FAR2: variants seen among roughly 807,000 people sequenced by gnomAD.
The protein encoded by FAR2 is fatty acyl-CoA reductase 2.
In FAR2, 19 loss-of-function variants were observed where a neutral mutation model predicts 56.0. The observed-to-expected ratio is 0.34, with a 90% CI of 0.24 to 0.50. The LOEUF is 0.50. FAR2 is among the 20% of genes least tolerant of loss of function. The probability of loss-of-function intolerance (pLI) is 0.98; values close to 1 mark genes in which losing one functional copy is unlikely to be tolerated. For synonymous variants in FAR2, 219 were observed against 218.8 expected (o/e 1.00, Z -0.01); for missense variants, 508 against 642.2 (o/e 0.79, Z 2.26).
At chr12:29,260,205 A>G (rs897283849) in intron 1 of FAR2, among the ~76,000 whole-genome samples, 1 of 152,158 alleles carries the variant, frequency 6.6e-6, no homozygotes, top group Non-Finnish European at 1.5e-5. Flanking sequence ...CAAACACTGC[A>G]ATTATTTTTG....
At chr12:29,323,492 C>G (rs577860190) in intron 10 of FAR2, among the ~76,000 whole-genome samples, 1 of 152,178 alleles carries the variant, frequency 6.6e-6, no homozygotes, top group Non-Finnish European at 1.5e-5. Context: ...CTGGGAGGCA[C>G]CCCCCAGTAG....
At chr12:29,212,628 T>C (rs73077508) in intron 1 of FAR2, among the ~76,000 whole-genome samples, 2,086 of 152,342 alleles carry the variant, frequency 0.014, 45 homozygotes, top group African/African-American at 0.041. Context: ...CACCATCTCC[T>C]GAAATTGCCC....
chr12:29,200,100 G>A (rs1947387416), intron 1 of FAR2, among the ~76,000 whole-genome samples: 1 of 152,194 alleles, frequency 6.6e-6, no homozygotes, highest in Admixed American at 6.5e-5. Context: ...AGGGTTAAGG[G>A]TGGCACTTAA....
At chr12:29,150,408 A>G (rs1949673196) in intron 1 of FAR2, among the ~76,000 whole-genome samples, 1 of 152,208 alleles carries the variant, frequency 6.6e-6, no homozygotes, top group Admixed American at 6.5e-5. Flanking sequence ...GGGTCAGAAA[A>G]GTGACCAGGG....
In FAR2 at chr12:29,274,217, C is replaced by T. The variant is rs189018292; in HGVS notation, c.189+3579C>T. Among the ~76,000 whole-genome samples the T allele has an allele frequency of 8.2e-3, 1,043 of 127,674 alleles. 12 individuals carry two copies. Among genetic ancestry groups the T allele is most frequent in the African/African-American group, 0.028 (955 of 34,410 alleles). 83.8% of individuals were successfully genotyped at this position (127,674 alleles called of 152,430 possible). A position where few individuals can be genotyped will look rare whatever the true frequency, so the allele number is the denominator to read the frequency against. ...CCTCCCCCCACCCCACAACAGGCCC[C>T]GGTATGTGATGTTCCCCTTCCTGTG... On this transcript the variant is annotated intron_variant, in intron 2 of 11. Transcript: ENST00000536681.
At chr12:29,305,518 A>G (rs1008877947) in intron 4 of FAR2, among the ~76,000 whole-genome samples, 4 of 152,178 alleles carry the variant, frequency 2.6e-5, no homozygotes, top group African/African-American at 9.6e-5. Context: ...ACAATGCCTT[A>G]GGTTTATTGG....
chr12:29,310,691 TTAACA>T (rs957308764), intron 6 of FAR2, among the ~76,000 whole-genome samples: 1 of 152,216 alleles, frequency 6.6e-6, no homozygotes, highest in African/African-American at 2.4e-5. Context: ...ACCTTAATTC[TTAACA>T]TGTCTTATGA....
intron 1 of FAR2, among the ~76,000 whole-genome samples, chr12:29,240,948 G>A (rs1180269299): frequency 6.6e-6 from 1 of 152,146 alleles, no homozygotes; most frequent in Non-Finnish European, 1.5e-5. Context: ...TGGAATTACA[G>A]ACATGCACTA....
intron 1 of FAR2, among the ~76,000 whole-genome samples, chr12:29,192,314 A>G (rs150018039): frequency 3.3e-5 from 5 of 152,346 alleles, no homozygotes; most frequent in African/African-American, 1.2e-4. Context: ...GAATATTCTG[A>G]GTAAATGTGA....
rs747719736 is a variant in FAR2, at chr12:29,321,843, G to A, written c.1176G>A (p.Glu392=). Residue 392 remains glutamate, a synonymous_variant, in exon 10 of 12, where the codon GAG becomes GAA. Transcript: ENST00000536681. ...NRLLRTVSML[E]YFINRSWEWS... ...TTTTAAGAACTGTTTCCATGTTGGA[G>A]TATTTCATCAACCGGAGTTGGGAAT... is the stretch of plus-strand genomic sequence containing the variant. 11 of 1,613,908 alleles carry A rather than the reference G, an allele frequency of 6.8e-6. No homozygotes were observed. The highest frequency in any genetic ancestry group is 9.3e-6 in the Non-Finnish European group (11 of 1,179,832).
Position 29,270,640 on chromosome 12 carries a change from T to TA in FAR2, c.189+3dup, listed in dbSNP as rs759410785. ...GTTTTCCAGATCCTAGACAGTAAGGTATGCCTTATAGGAAAGCGTGTGTGA... is the reference window on the plus strand; with the variant it reads ...GTTTTCCAGATCCTAGACAGTAAGGTAATGCCTTATAGGAAAGCGTGTGTGA... On this transcript the variant is annotated splice_region_variant and intron_variant, in intron 2 of 11. Transcript: ENST00000536681. 1.9e-6 allele frequency: 3 copies of TA among 1,606,454 alleles called. No homozygotes were observed. Among genetic ancestry groups the TA allele is most frequent in the East Asian group, 2.2e-5 (1 of 44,704 alleles).
chr12:29,151,544 C>T (rs1158521088), intron 1 of FAR2: 1 of 152,156 alleles, frequency 6.6e-6, no homozygotes, highest in Admixed American at 6.5e-5. Context: ...CTGCTATCAC[C>T]GTCTGCTGGC....
intron 1 of FAR2, among the ~76,000 whole-genome samples, chr12:29,237,295 G>A (rs924527010): frequency 2.0e-4 from 30 of 152,112 alleles, no homozygotes; most frequent in African/African-American, 7.0e-4. Context: ...AAAATACCAA[G>A]ATGTTATTTG....
chr12:29,293,464 C>T lies in FAR2; in HGVS notation c.354C>T (p.Asp118=), dbSNP rs138798878. The change falls in exon 3 of 12, where the codon GAC becomes GAT. Residue 118 remains aspartate, a synonymous_variant. Coordinates refer to ENST00000536681, the MANE Select transcript of FAR2 (RefSeq NM_001271783.2). ...ACTGTGCAGCCACTGTACGCTTTGA[C>T]GACACTCTCAGGTACATTCCCATTT... is the stretch of plus-strand genomic sequence containing the variant. ...IFHCAATVRF[D]DTLRHAVQLN... 2.4e-4 allele frequency: 379 copies of T among 1,570,924 alleles called. 1 individual carries two copies. In the African/African-American group the frequency reaches 2.5e-3, roughly 10 times the overall value.
chr12:29,232,706 T>C (rs1947877323), intron 1 of FAR2, among the ~76,000 whole-genome samples: 1 of 152,066 alleles, frequency 6.6e-6, no homozygotes, highest in African/African-American at 2.4e-5. Flanking sequence ...GTTATTTCTC[T>C]GTATAGTCTT....
At chr12:29,280,073 C>T (rs576774165) in intron 2 of FAR2, among the ~76,000 whole-genome samples, 31 of 152,122 alleles carry the variant, frequency 2.0e-4, no homozygotes, top group South Asian at 1.2e-3. Flanking sequence ...TACAGGCACC[C>T]GCCACCATGC....
At chr12:29,275,596 T>C (rs1444328265) in intron 2 of FAR2, among the ~76,000 whole-genome samples, 14 of 152,198 alleles carry the variant, frequency 9.2e-5, no homozygotes, top group Admixed American at 7.9e-4. Flanking sequence ...AAAAGTGTTA[T>C]GTTTGTTTTT....
chr12:29,275,526 A>C (rs545183683), intron 2 of FAR2, among the ~76,000 whole-genome samples: 140 of 152,240 alleles, frequency 9.2e-4, no homozygotes, highest in Admixed American at 7.2e-4. Flanking sequence ...TAGATCCCTG[A>C]GGAATCGCCA....
At chr12:29,324,643 C>T (rs1276873830) in intron 10 of FAR2, among the ~76,000 whole-genome samples, 2 of 152,098 alleles carry the variant, frequency 1.3e-5, no homozygotes, top group African/African-American at 2.4e-5. Flanking sequence ...CATATCCAGC[C>T]AAACTAAGCT....
Sources: gnomAD v4.1 joint callset for allele counts (sites outside exome capture counted in the v4.1 genomes callset) on GRCh38, gnomAD v4.1.1 for gene constraint, MANE v1.5 for transcripts, NCBI Gene and HGNC (gene_info 2026-07-23, HGNC 2026-07-21) for gene names.